AGBL1: variants seen among roughly 807,000 people sequenced by gnomAD.
AGBL1 encodes cytosolic carboxypeptidase 4.
AGBL1 carries 130 observed loss-of-function variants against 118.9 expected under a neutral mutation model. The ratio of observed to expected loss-of-function variants is 1.09; its 90% CI spans 0.95 to 1.26. The LOEUF (loss-of-function observed/expected upper bound fraction) is 1.26, where lower values mean the gene tolerates loss of function less well. AGBL1 is among the 50% of genes most tolerant of loss of function. The probability of loss-of-function intolerance (pLI) is 0.00; values close to 1 mark genes in which losing one functional copy is unlikely to be tolerated. For missense variants in AGBL1, 1,584 were observed against 1,298.1 expected (o/e 1.22, Z -3.38); for synonymous variants, 555 against 478.9 (o/e 1.16, Z -2.08).
intron 18 of AGBL1, among the ~76,000 whole-genome samples, chr15:86,471,094 C>T (rs1212925164): frequency 6.6e-6 from 1 of 152,172 alleles, no homozygotes; most frequent in Non-Finnish European, 1.5e-5. Context: ...GCATCCTTGC[C>T]TTCTTCCTGA....
intron 23 of AGBL1, among the ~76,000 whole-genome samples, chr15:86,984,046 AC>A (rs1412626943): frequency 6.6e-6 from 1 of 152,148 alleles, no homozygotes; most frequent in Non-Finnish European, 1.5e-5. Flanking sequence ...TTGGATAAGT[AC>A]CCAGGGGAGA....
chr15:86,951,030 C>T (rs573369933), intron 23 of AGBL1, among the ~76,000 whole-genome samples: 2 of 152,262 alleles, frequency 1.3e-5, no homozygotes, highest in Admixed American at 6.5e-5. Context: ...TCTACAAAAA[C>T]CTCAAACTGG....
At chr15:86,325,388 G>A (rs1277523330) in intron 17 of AGBL1, among the ~76,000 whole-genome samples, 1 of 152,128 alleles carries the variant, frequency 6.6e-6, no homozygotes, top group African/African-American at 2.4e-5. Flanking sequence ...TCTTAAATGG[G>A]TAACTTTTGA....
At chr15:86,528,455 CT>C (rs1652682166) in intron 19 of AGBL1, among the ~76,000 whole-genome samples, 1 of 152,066 alleles carries the variant, frequency 6.6e-6, no homozygotes, top group African/African-American at 2.4e-5. Flanking sequence ...TCGGAGGGTC[CT>C]ACACCCACGG....
intron 22 of AGBL1, among the ~76,000 whole-genome samples, chr15:86,822,151 G>T (rs1194242879): frequency 6.6e-6 from 1 of 152,090 alleles, no homozygotes; most frequent in Non-Finnish European, 1.5e-5. Flanking sequence ...GAGTATATTT[G>T]CCTCCTTTTT....
intron 22 of AGBL1, among the ~76,000 whole-genome samples, chr15:86,858,907 A>G (rs923435635): frequency 1.3e-5 from 2 of 152,144 alleles, no homozygotes; most frequent in African/African-American, 4.8e-5. Flanking sequence ...TAATCCTTGA[A>G]ACAACTCTAA....
At chr15:86,507,312 C>T (rs1373800828) in intron 18 of AGBL1, among the ~76,000 whole-genome samples, 1 of 152,120 alleles carries the variant, frequency 6.6e-6, no homozygotes, top group Non-Finnish European at 1.5e-5. Flanking sequence ...ACTCAAACTG[C>T]AACTATTCTA....
chr15:86,609,962 G>A (rs2084634414), intron 21 of AGBL1, among the ~76,000 whole-genome samples: 2 of 152,102 alleles, frequency 1.3e-5, no homozygotes, highest in Admixed American at 1.3e-4. Context: ...CCATGCTTCT[G>A]TGAACACACC....
At chr15:86,653,553 C>G (rs1258687580) in intron 21 of AGBL1, among the ~76,000 whole-genome samples, 2 of 152,136 alleles carry the variant, frequency 1.3e-5, no homozygotes, top group East Asian at 1.9e-4. Context: ...AAACCGTGCA[C>G]TTGAGCCCTG....
At chr15:86,720,243 T>G (rs1318975930) in intron 22 of AGBL1, among the ~76,000 whole-genome samples, 1 of 152,168 alleles carries the variant, frequency 6.6e-6, no homozygotes, top group African/African-American at 2.4e-5. Flanking sequence ...CTCCTAACCT[T>G]GCACATTATT....
intron 24 of AGBL1, among the ~76,000 whole-genome samples, chr15:86,997,895 ACACACAC>A (rs2081394663): frequency 8.7e-5 from 1 of 11,438 alleles, no homozygotes; most frequent in Non-Finnish European, 2.4e-4. Flanking sequence ...TGGAAGACAC[ACACACAC>A]ACACACACAC....
At chr15:86,348,025 G>C (rs2080565229) in intron 17 of AGBL1, among the ~76,000 whole-genome samples, 1 of 152,150 alleles carries the variant, frequency 6.6e-6, no homozygotes, top group African/African-American at 2.4e-5. Flanking sequence ...AGGTGACAGG[G>C]AAGGAGTGAA....
intron 21 of AGBL1, among the ~76,000 whole-genome samples, chr15:86,635,853 G>C (rs974565934): frequency 1.3e-5 from 2 of 152,106 alleles, no homozygotes; most frequent in African/African-American, 4.8e-5. Flanking sequence ...TCTCCTCTCA[G>C]TGCCAACTGC....
At chr15:86,683,611 C>G (rs2086001234) in intron 22 of AGBL1, among the ~76,000 whole-genome samples, 1 of 152,128 alleles carries the variant, frequency 6.6e-6, no homozygotes, top group Non-Finnish European at 1.5e-5. Flanking sequence ...CTGCCTCAGG[C>G]TCAACCAAAT....
At position 86,818,132 on chromosome 15, in the gene AGBL1, C is replaced by T. The variant is rs144791603; in HGVS notation, c.3159-88955C>T. ...TGTGACACACACACACACACATGCG[C>T]GTGAGAGAGAGTGTTGGGAGATGGT... On this transcript the variant is annotated intron_variant, in intron 22 of 22. Coordinates refer to ENST00000614907, the MANE Select transcript of AGBL1 (RefSeq NM_001386094.1). 1.6e-3 allele frequency among the ~76,000 whole-genome samples: 240 copies of T among 152,192 alleles called. 2 individuals carry two copies. In the East Asian group the frequency reaches 0.028, roughly 18 times the overall value.
rs114649991 is a variant in AGBL1, at chr15:86,295,538, C to T, written c.2374+130C>T. 94 of 892,802 alleles carry T rather than the reference C, an allele frequency of 1.1e-4. No individual in the cohort carries two copies. The African/African-American group carries it at 1.5e-3, about 14-fold the overall frequency. 55.3% of individuals were successfully genotyped at this position (892,802 alleles called of 1,614,324 possible). A position where few individuals can be genotyped will look rare whatever the true frequency, so the allele number is the denominator to read the frequency against. On this transcript the variant is annotated intron_variant, in intron 17 of 22. Coordinates refer to ENST00000614907, the MANE Select transcript of AGBL1 (RefSeq NM_001386094.1). ...GAGACTGTCTGTCTTTGTAGAAATA[C>T]ACCCCCAGCTTTTCTTGGTGTGACA...
chr15:86,528,832 C>CT (rs2083306250), intron 19 of AGBL1, among the ~76,000 whole-genome samples: 1 of 23,516 alleles, frequency 4.3e-5, no homozygotes, highest in Non-Finnish European at 7.7e-5. Context: ...TGGGAGGCAC[C>CT]CCCCAGCAGG....
rs117483059 is a variant in AGBL1, at chr15:86,652,076, A to G, written c.2995-22197A>G. Among the ~76,000 whole-genome samples the G allele has an allele frequency of 1.7e-3, 260 of 152,286 alleles. 4 individuals carry two copies. In the East Asian group the frequency reaches 0.021, roughly 12 times the overall value. On this transcript the variant is annotated intron_variant, in intron 21 of 22. Transcript: ENST00000614907. Reference sequence around the variant, plus strand: ...TGAGTGATCTTCACTAACTTCATCTATTCTTTCCCCAATACAATAAAAAGG... The same window carrying G: ...TGAGTGATCTTCACTAACTTCATCTGTTCTTTCCCCAATACAATAAAAAGG...
intron 23 of AGBL1, among the ~76,000 whole-genome samples, chr15:86,937,924 A>T (rs779393150): frequency 1.4e-4 from 21 of 152,216 alleles, no homozygotes; most frequent in Admixed American, 1.2e-3. Flanking sequence ...GGGACCTCAA[A>T]GTAGAATTGC....
Sources: allele counts gnomAD v4.1 joint callset (sites outside exome capture counted in the v4.1 genomes callset), GRCh38; gene constraint gnomAD v4.1.1; transcripts MANE v1.5; gene names NCBI Gene and HGNC (gene_info 2026-07-23, HGNC 2026-07-21).